Variants in MANBA observed in about 807,000 individuals in gnomAD.
MANBA encodes the protein mannosidase beta, also known as beta-mannosidase.
A neutral mutation model predicts 111.1 loss-of-function variants in MANBA; 83 were observed. The observed-to-expected ratio is 0.75, with a 90% CI of 0.63 to 0.90. The LOEUF (loss-of-function observed/expected upper bound fraction) is 0.90, where lower values mean the gene tolerates loss of function less well. Among genes scored for constraint, MANBA ranks in the 40% least tolerant of loss-of-function variants. The probability of loss-of-function intolerance (pLI) is 0.00; values close to 1 mark genes in which losing one functional copy is unlikely to be tolerated. For missense variants in MANBA, 1,036 were observed against 1,069.0 expected (o/e 0.97, Z 0.43); for synonymous variants, 370 against 378.7 (o/e 0.98, Z 0.27).
At chr4:102,663,729 T>G (rs2110215514) in intron 11 of MANBA, among the ~76,000 whole-genome samples, 1 of 152,380 alleles carries the variant, frequency 6.6e-6, no homozygotes, top group East Asian at 1.9e-4. Flanking sequence ...TTAAAACATC[T>G]ATTTACAGAC....
At chr4:102,729,908 G>A (rs560952067) in intron 1 of MANBA, 2 of 1,521,456 alleles carry the variant, frequency 1.3e-6, no homozygotes, top group African/African-American at 1.4e-5. Context: ...TCTCCTGGGT[G>A]CGCACAGCCT....
At chr4:102,648,036 T>G (rs1730177038) in intron 13 of MANBA, among the ~76,000 whole-genome samples, 1 of 152,096 alleles carries the variant, frequency 6.6e-6, no homozygotes, top group African/African-American at 2.4e-5. Flanking sequence ...TCTAAGAACT[T>G]TAAACAAGTA....
intron 1 of MANBA, chr4:102,753,858 G>A (rs939192557): frequency 3.6e-5 from 14 of 385,362 alleles, no homozygotes; most frequent in East Asian, 1.0e-4. Context: ...CGAGGTGGGC[G>A]GATTGCCTGA....
intron 11 of MANBA, among the ~76,000 whole-genome samples, chr4:102,660,004 C>T (rs970326292): frequency 6.6e-6 from 1 of 152,150 alleles, no homozygotes; most frequent in Non-Finnish European, 1.5e-5. Context: ...CATGGATGTT[C>T]TGATTACTCC....
rs371461140 is a variant in MANBA, at chr4:102,658,416, G to A, written c.1486-516C>T. 3.3e-5 allele frequency among the ~76,000 whole-genome samples: 5 copies of A among 152,146 alleles called. No homozygotes were observed. In the South Asian group the frequency reaches 6.2e-4, roughly 19 times the overall value. ...AAATCACCATCACTTGAGAACCACA[G>A]GTCTAACAGGTAAGAACAGAAGCTA... On this transcript the variant is annotated intron_variant, in intron 11 of 16. Transcript: ENST00000647097.
intron 1 of MANBA, chr4:102,752,127 T>C (rs921751979): frequency 6.5e-6 from 5 of 767,982 alleles, no homozygotes; most frequent in African/African-American, 3.4e-5. Flanking sequence ...ATGACTCCCA[T>C]AGTGACCCTC....
intron 1 of MANBA, among the ~76,000 whole-genome samples, chr4:102,758,926 C>A (rs1724129636): frequency 6.6e-6 from 1 of 152,110 alleles, no homozygotes; most frequent in Non-Finnish European, 1.5e-5. Context: ...ATTGAAACCT[C>A]AAGGTTTTGC....
chr4:102,700,949 G>GAC (rs1733004158), intron 5 of MANBA, among the ~76,000 whole-genome samples: 1 of 151,928 alleles, frequency 6.6e-6, no homozygotes, highest in African/African-American at 2.4e-5. Context: ...GTCTAATGTT[G>GAC]ACAGTGGGGT....
At chr4:102,673,801 T>C in intron 8 of MANBA, 118 bp downstream of exon 8, 1 of 928,982 alleles carries the variant, frequency 1.1e-6, no homozygotes, top group Non-Finnish European at 1.7e-6. Context: ...TCGTCTAGAA[T>C]TCTATACTAC....
At position 102,674,079 on chromosome 4, in the gene MANBA, A is replaced by C; in HGVS notation, c.961-9T>G. 3.2e-6 allele frequency: 5 copies of C among 1,581,886 alleles called. No homozygotes were observed. The highest frequency in any genetic ancestry group is 3.5e-6 in the Non-Finnish European group (4 of 1,151,174). Reference sequence around the variant, plus strand: ...ACTGTCCTAAAATAAACCTGCAATGAACAGAATTAAATGATGAATATCAAA... The same window carrying C: ...ACTGTCCTAAAATAAACCTGCAATGCACAGAATTAAATGATGAATATCAAA... On this transcript the variant is annotated splice_polypyrimidine_tract_variant and intron_variant, in intron 7 of 16. Transcript: ENST00000647097.
At chr4:102,655,938 A>G (rs938383014) in intron 12 of MANBA, among the ~76,000 whole-genome samples, 23 of 152,222 alleles carry the variant, frequency 1.5e-4, no homozygotes, top group Admixed American at 1.3e-4. Context: ...TCATAATTCA[A>G]TAAAATAAAG....
intron 5 of MANBA, among the ~76,000 whole-genome samples, chr4:102,697,580 T>C (rs1458453991): frequency 1.4e-5 from 2 of 144,536 alleles, no homozygotes; most frequent in Non-Finnish European, 3.0e-5. Context: ...ATTGTTCAAT[T>C]CCCACCTATG....
chr4:102,679,553 AC>A (rs1731871175), intron 7 of MANBA: 1 of 152,070 alleles, frequency 6.6e-6, no homozygotes, highest in Non-Finnish European at 1.5e-5. Context: ...AAAGGGAATA[AC>A]ATATATAATG....
Position 102,664,804 on chromosome 4 carries a change from T to C in MANBA, c.1366A>G (p.Asn456Asp). 6.2e-7 allele frequency: 1 copy of C among 1,609,758 alleles called. No individual in the cohort carries two copies. The highest frequency in any genetic ancestry group is 8.5e-7 in the Non-Finnish European group (1 of 1,175,970). ...HPSIIIWSGN[N>D]ENEEALMMNW... ...ATCATCAGCGCCTCCTCATTTTCAT[T>C]ATTGCCACTCCATATGATGATAGAA... is the stretch of plus-strand genomic sequence containing the variant. The change falls in exon 11 of 17, where the codon AAT becomes GAT. Residue 456 changes from asparagine to aspartate, a missense_variant. Transcript: ENST00000647097.
At chr4:102,729,972 G>A in intron 1 of MANBA, 1 of 943,878 alleles carries the variant, frequency 1.1e-6, no homozygotes, top group South Asian at 1.3e-5. Context: ...CTGGTTGACT[G>A]TGATGGTGGT....
intron 8 of MANBA, among the ~76,000 whole-genome samples, chr4:102,672,442 AT>A (rs1157102890): frequency 1.3e-5 from 2 of 152,020 alleles, no homozygotes; most frequent in East Asian, 3.8e-4. Flanking sequence ...TTGGAAAAAC[AT>A]TTTTTTTCCT....
In MANBA at chr4:102,650,190, T is replaced by C. The variant is rs138032228; in HGVS notation, c.1869+347A>G. Among the ~76,000 whole-genome samples the C allele has an allele frequency of 1.4e-3, 213 of 152,374 alleles. 1 individual carries two copies. Among genetic ancestry groups the C allele is most frequent in the African/African-American group, 4.9e-3 (205 of 41,600 alleles). ...AGCCATAAATCAGGTGTCCATATTA[T>C]ACAGTGATCTGTTTCTGGACTCTAT... On this transcript the variant is annotated intron_variant, in intron 13 of 16. Transcript: ENST00000647097.
chr4:102,723,719 G>T, intron 3 of MANBA, 143 bp downstream of exon 3: 1 of 615,996 alleles, frequency 1.6e-6, no homozygotes, highest in Non-Finnish European at 2.9e-6. Context: ...TGTGGCAACT[G>T]AGAAATCAAG....
chr4:102,643,095 CTGGGAAGCAG>C (rs1180043202), intron 13 of MANBA, among the ~76,000 whole-genome samples: 1 of 152,114 alleles, frequency 6.6e-6, no homozygotes, highest in Non-Finnish European at 1.5e-5. Flanking sequence ...AAACACCATA[CTGGGAAGCAG>C]TCACTCCCCA....
Sources: allele counts gnomAD v4.1 joint callset (sites outside exome capture counted in the v4.1 genomes callset), GRCh38; gene constraint gnomAD v4.1.1; transcripts MANE v1.5; gene names NCBI Gene and HGNC (gene_info 2026-07-23, HGNC 2026-07-21).